R3HDM1: variants seen among roughly 807,000 people sequenced by gnomAD.
The protein encoded by R3HDM1 is R3H domain containing 1.
In R3HDM1, 46 loss-of-function variants were observed where a neutral mutation model predicts 141.1. The observed-to-expected ratio is 0.33, with a 90% confidence interval of 0.26 to 0.42. The LOEUF is 0.42. Among genes scored for constraint, R3HDM1 ranks in the 10% least tolerant of loss-of-function variants. The pLI, the probability that R3HDM1 is intolerant of heterozygous loss-of-function variation, is 1.00. For synonymous variants in R3HDM1, 435 were observed against 472.9 expected (o/e 0.92, Z 1.04); for missense variants, 1,184 against 1,368.3 (o/e 0.87, Z 2.12).
At chr2:135,647,026 A>T (rs1272675187) in intron 16 of R3HDM1, among the ~76,000 whole-genome samples, 3 of 152,186 alleles carry the variant, frequency 2.0e-5, no homozygotes, top group Non-Finnish European at 4.4e-5. Context: ...AGTCATAAAA[A>T]ATAATTGTAC....
At chr2:135,677,215 T>A (rs1037913623) in intron 20 of R3HDM1, among the ~76,000 whole-genome samples, 5 of 152,196 alleles carry the variant, frequency 3.3e-5, no homozygotes, top group Non-Finnish European at 5.9e-5. Context: ...CAAGTGTATG[T>A]CCACTTTTGA....
chr2:135,641,703 G>A lies in R3HDM1; in HGVS notation c.1387G>A (p.Val463Ile). The A allele has an allele frequency of 6.2e-7, 1 of 1,614,166 alleles. No individual in the cohort carries two copies. Among genetic ancestry groups the A allele is most frequent in the Non-Finnish European group, 8.5e-7 (1 of 1,180,026 alleles). The change falls in exon 15 of 27, where the codon GTC becomes ATC. Residue 463 changes from valine to isoleucine, a missense_variant. Transcript: ENST00000683871. Reference sequence around the variant, plus strand: ...CTTTGATGGTGGCCTAAATGGGCAAGTCGCATCTCCTAGCACTAGCTTCTT... The same window carrying A: ...CTTTGATGGTGGCCTAAATGGGCAAATCGCATCTCCTAGCACTAGCTTCTT... The part of the protein sequence containing the change: ...LSFDGGLNGQ[V>I]ASPSTSFFLL...
At chr2:135,681,775 C>G (rs1000366216) in intron 21 of R3HDM1, among the ~76,000 whole-genome samples, 1 of 151,978 alleles carries the variant, frequency 6.6e-6, no homozygotes, top group African/African-American at 2.4e-5. Flanking sequence ...TGAGCTGCCC[C>G]CTGGATCCTG....
At chr2:135,537,226 C>T (rs1404154899) in intron 1 of R3HDM1, among the ~76,000 whole-genome samples, 2 of 142,486 alleles carry the variant, frequency 1.4e-5, no homozygotes, top group Non-Finnish European at 3.0e-5. Context: ...ATTCTTTGTA[C>T]GTGTATGCAA....
chr2:135,645,243 C>T, intron 15 of R3HDM1, 136 bp from the exon 16 acceptor site: 2 of 731,602 alleles, frequency 2.7e-6, no homozygotes, highest in East Asian at 2.8e-5. Context: ...CTAAGGAAAT[C>T]TTTGTTTTCA....
Position 135,547,767 on chromosome 2 carries a change from CTT to C in R3HDM1, c.-250+16154_-250+16155del, listed in dbSNP as rs56950620. ...ATATGTCTGTAGTCTTTTTTCTTTT[CTT>C]TTTTTTTTTTTTTTTTTTTCTTGAG... On this transcript the variant is annotated intron_variant, in intron 1 of 26. Transcript: ENST00000683871. 5.5e-3 allele frequency among the ~76,000 whole-genome samples: 588 copies of C among 107,370 alleles called. 1 individual carries two copies. The highest frequency in any genetic ancestry group is 0.021 in the African/African-American group (531 of 25,212). 70.4% of individuals were successfully genotyped at this position (107,370 alleles called of 152,430 possible).
At chr2:135,674,818 C>CTT (rs556253938) in intron 19 of R3HDM1, among the ~76,000 whole-genome samples, 11 of 147,144 alleles carry the variant, frequency 7.5e-5, no homozygotes, top group African/African-American at 2.7e-4. Context: ...TCTCCCCTGC[C>CTT]TTTTTTTTTT....
At chr2:135,713,404 G>T (rs908901520) in intron 23 of R3HDM1, among the ~76,000 whole-genome samples, 1 of 152,128 alleles carries the variant, frequency 6.6e-6, no homozygotes, top group Non-Finnish European at 1.5e-5. Context: ...GTGTAAATTG[G>T]TACAGCTCTT....
At chr2:135,667,925 T>C (rs2067778572) in intron 19 of R3HDM1, among the ~76,000 whole-genome samples, 1 of 152,222 alleles carries the variant, frequency 6.6e-6, no homozygotes, top group Non-Finnish European at 1.5e-5. Context: ...TGCCCAGCAG[T>C]CTGAAATTTC....
At chr2:135,711,963 TAAAAAAAAAA>T (rs35616482) in intron 23 of R3HDM1, among the ~76,000 whole-genome samples, 1 of 85,108 alleles carries the variant, frequency 1.2e-5, no homozygotes, top group African/African-American at 4.8e-5. Context: ...TGTCTAAAAT[TAAAAAAAAAA>T]AAAAAAAAAA....
At chr2:135,552,023 A>G (rs922696176) in intron 1 of R3HDM1, among the ~76,000 whole-genome samples, 2 of 152,228 alleles carry the variant, frequency 1.3e-5, no homozygotes, top group African/African-American at 4.8e-5. Context: ...CATCATATAA[A>G]TGAAAAATAA....
At chr2:135,547,203 AAAATT>A (rs1302054853) in intron 1 of R3HDM1, among the ~76,000 whole-genome samples, 2 of 152,136 alleles carry the variant, frequency 1.3e-5, no homozygotes, top group African/African-American at 4.8e-5. Flanking sequence ...CTACATTTCT[AAAATT>A]AAATTAATTT....
intron 3 of R3HDM1, among the ~76,000 whole-genome samples, chr2:135,609,357 C>T (rs562883825): frequency 7.9e-5 from 12 of 152,228 alleles, no homozygotes; most frequent in Admixed American, 7.8e-4. Flanking sequence ...TACTTCAGAG[C>T]TAATTCAAGA....
chr2:135,622,625 T>C, intron 6 of R3HDM1, 29 bp from the exon 7 acceptor site: 1 of 1,572,850 alleles, frequency 6.4e-7, no homozygotes, highest in Non-Finnish European at 8.6e-7. Context: ...AACAACTTTA[T>C]ACTGGGTTTT....
chr2:135,607,019 T>G (rs2060133405), intron 3 of R3HDM1, among the ~76,000 whole-genome samples: 1 of 151,848 alleles, frequency 6.6e-6, no homozygotes, highest in Non-Finnish European at 1.5e-5. Context: ...AGACAGAGTC[T>G]CGCTCTGTCA....
At chr2:135,583,764 C>A in intron 1 of R3HDM1, 1 of 985,362 alleles carries the variant, frequency 1.0e-6, no homozygotes, top group African/African-American at 1.7e-5. Context: ...AGGTTGAGAT[C>A]TTTAAAAAGT....
intron 9 of R3HDM1, among the ~76,000 whole-genome samples, chr2:135,633,181 A>C (rs1006870511): frequency 6.6e-6 from 1 of 152,182 alleles, no homozygotes; most frequent in Non-Finnish European, 1.5e-5. Context: ...TTAAATTTTC[A>C]TATCCCTTCG....
At chr2:135,571,413 C>T (rs1053748021) in intron 1 of R3HDM1, among the ~76,000 whole-genome samples, 1 of 151,792 alleles carries the variant, frequency 6.6e-6, no homozygotes, top group African/African-American at 2.4e-5. Flanking sequence ...GCAACCTCCA[C>T]CTCCCCGGTT....
intron 1 of R3HDM1, among the ~76,000 whole-genome samples, chr2:135,596,606 G>A (rs2059213802): frequency 6.6e-6 from 1 of 151,998 alleles, no homozygotes; most frequent in Admixed American, 6.5e-5. Flanking sequence ...TGCTTGTGTG[G>A]TTTTTAAATT....
Sources: allele counts gnomAD v4.1 joint callset (sites outside exome capture counted in the v4.1 genomes callset), GRCh38; gene constraint gnomAD v4.1.1; transcripts MANE v1.5; gene names NCBI Gene and HGNC (gene_info 2026-07-23, HGNC 2026-07-21).